Variants in PRR33 observed in about 807,000 individuals in gnomAD.
PRR33 encodes the protein proline rich 33.
PRR33 carries 1 observed loss-of-function variant against 0.5 expected under a neutral mutation model. That is an observed-to-expected ratio of 2.18 (90% CI 0.77 to 10.34). PRR33 has a LOEUF of 10.34. Ranked by LOEUF, PRR33 falls within the 30% of genes most tolerant of loss-of-function variation. The pLI, the probability that PRR33 is intolerant of heterozygous loss-of-function variation, is 0.13. For synonymous variants in PRR33, 226 were observed against 110.0 expected, an observed-to-expected ratio of 2.06 and a Z score of -6.60; for missense variants, 552 against 251.8, an observed-to-expected ratio of 2.19 and a Z score of -8.07.
At chr11:1,914,178 C>T in the PRR33 span, among the ~76,000 whole-genome samples, 1 of 152,206 alleles carries the variant, frequency 6.6e-6, no homozygotes, top group African/African-American at 2.4e-5. Flanking sequence ...TGCAGGCCCA[C>T]GGTGCACATT....
At chr11:1,902,381 G>C in the PRR33 span, among the ~76,000 whole-genome samples, 1 of 152,176 alleles carries the variant, frequency 6.6e-6, no homozygotes. Context: ...CTCGGCCTGG[G>C]CTCAGCGTGG....
At chr11:1,896,430 G>A (rs892018711), upstream of PRR33, among the ~76,000 whole-genome samples, 7 of 152,186 alleles carry the variant, frequency 4.6e-5, no homozygotes, top group African/African-American at 1.7e-4. Flanking sequence ...TATTTTTAAT[G>A]TCAATATCTG....
At chr11:1,902,769 A>T in the PRR33 span, 1 of 152,148 alleles carries the variant, frequency 6.6e-6, no homozygotes, top group Non-Finnish European at 1.5e-5. Context: ...TAAGAAAGTA[A>T]AGGAATAAAG....
chr11:1,896,230 A>G (rs1312597091), upstream of PRR33, among the ~76,000 whole-genome samples: 2 of 152,174 alleles, frequency 1.3e-5, no homozygotes, highest in Non-Finnish European at 2.9e-5. Flanking sequence ...GTGAATTTCT[A>G]TAAATGCAGG....
At chr11:1,903,165 AG>A in the PRR33 span, 1 of 152,108 alleles carries the variant, frequency 6.6e-6, no homozygotes, top group African/African-American at 2.4e-5. Context: ...CATTTTACCC[AG>A]CCCCTGTTCA....
At chr11:1,911,263 G>A in the PRR33 span, among the ~76,000 whole-genome samples, 4 of 152,016 alleles carry the variant, frequency 2.6e-5, no homozygotes, top group Non-Finnish European at 5.9e-5. Context: ...CTAATGTGGT[G>A]AAACCCTGTC....
At chr11:1,910,894 G>A in the PRR33 span, among the ~76,000 whole-genome samples, 14 of 152,104 alleles carry the variant, frequency 9.2e-5, 1 homozygote, top group African/African-American at 3.4e-4. Context: ...ACCTCCTCTC[G>A]CCCATTTTTC....
chr11:1,902,948 A>G, the PRR33 span, among the ~76,000 whole-genome samples: 1 of 152,090 alleles, frequency 6.6e-6, no homozygotes, highest in African/African-American at 2.4e-5. Context: ...GTAAACTGTC[A>G]TGGTGCTGGT....
chr11:1,894,226 T>A (rs750985759), upstream of PRR33, among the ~76,000 whole-genome samples: 241 of 88,774 alleles, frequency 2.7e-3, 1 homozygote, highest in African/African-American at 9.0e-3. Context: ...AGTGTGGGAG[T>A]GTGTGTGTGT....
exon 1 of PRR33, chr11:1,888,669 A>C (rs1848855945): frequency 6.5e-6 from 1 of 154,194 alleles, no homozygotes; most frequent in African/African-American, 2.4e-5. Flanking sequence ...AAAACTGCTG[A>C]CTGCTCCTGA....
the PRR33 span, among the ~76,000 whole-genome samples, chr11:1,917,706 C>G: frequency 6.6e-6 from 1 of 152,232 alleles, no homozygotes; most frequent in Non-Finnish European, 1.5e-5. Context: ...AGGCCCAGCG[C>G]CCGAGGGGGA....
upstream of PRR33, among the ~76,000 whole-genome samples, chr11:1,892,794 G>A (rs563063722): frequency 7.2e-5 from 11 of 152,214 alleles, no homozygotes; most frequent in Middle Eastern, 0.02. Context: ...GTGGATGGAT[G>A]GATGGGTAGG....
exon 1 of PRR33, chr11:1,889,679 G>A (rs373801302): frequency 9.8e-5 from 62 of 634,706 alleles, no homozygotes; most frequent in Middle Eastern, 2.5e-4. Flanking sequence ...CCTCAGCGGC[G>A]GGGCCAGCCA....
the PRR33 span, among the ~76,000 whole-genome samples, chr11:1,899,799 T>G: frequency 1.3e-5 from 2 of 152,184 alleles, no homozygotes; most frequent in Non-Finnish European, 2.9e-5. Flanking sequence ...AATAATCTTT[T>G]AGCTACTGCT....
At chr11:1,912,617 AT>A in the PRR33 span, among the ~76,000 whole-genome samples, 1 of 151,992 alleles carries the variant, frequency 6.6e-6, no homozygotes, top group Non-Finnish European at 1.5e-5. Flanking sequence ...TTATTTATTT[AT>A]TTTTAAGCCA....
At chr11:1,915,554 G>A in the PRR33 span, among the ~76,000 whole-genome samples, 1 of 110,180 alleles carries the variant, frequency 9.1e-6, no homozygotes, top group Non-Finnish European at 1.8e-5. Context: ...TGTTGTGGGG[G>A]GTGATGTTTC....
the PRR33 span, among the ~76,000 whole-genome samples, chr11:1,900,142 A>G: frequency 1.3e-5 from 2 of 152,126 alleles, no homozygotes; most frequent in Non-Finnish European, 2.9e-5. Context: ...GGACACAGGA[A>G]GGACCAGGTG....
At chr11:1,900,420 C>G in the PRR33 span, among the ~76,000 whole-genome samples, 4 of 152,196 alleles carry the variant, frequency 2.6e-5, no homozygotes, top group African/African-American at 9.6e-5. Context: ...ACCAGTCAAT[C>G]TTTCCATTAG....
At chr11:1,895,877 G>A (rs1440857520), upstream of PRR33, among the ~76,000 whole-genome samples, 2 of 152,142 alleles carry the variant, frequency 1.3e-5, no homozygotes, top group Admixed American at 6.5e-5. Context: ...GCATGGTGGT[G>A]GGTGCCTGCG....
Sources: allele counts gnomAD v4.1 joint callset (sites outside exome capture counted in the v4.1 genomes callset), GRCh38; gene constraint gnomAD v4.1.1; transcripts MANE v1.5; gene names NCBI Gene and HGNC (gene_info 2026-07-23, HGNC 2026-07-21).